Variants in DOCK5 observed in about 807,000 individuals in gnomAD.
DOCK5 encodes the protein dedicator of cytokinesis 5, also known as dedicator of cytokinesis protein 5.
A neutral mutation model predicts 251.8 loss-of-function variants in DOCK5; 142 were observed. The ratio of observed to expected loss-of-function variants is 0.56; its 90% confidence interval spans 0.49 to 0.65. The LOEUF is 0.65. Among genes scored for constraint, DOCK5 ranks in the 30% least tolerant of loss-of-function variants. The pLI is 0.00. For missense variants in DOCK5, 2,111 were observed against 2,312.3 expected (o/e 0.91, Z 1.79); for synonymous variants, 842 against 835.5 (o/e 1.01, Z -0.13).
In DOCK5 at chr8:25,345,585, C is replaced by T; in HGVS notation, c.2728C>T (p.Leu910=). 2 of 1,613,878 alleles carry T rather than the reference C, an allele frequency of 1.2e-6. No individual in the cohort carries two copies. Residue 910 remains leucine (L), a synonymous_variant, in exon 26 of 52, where the codon CTG becomes TTG. Coordinates refer to ENST00000276440, the MANE Select transcript of DOCK5 (RefSeq NM_024940.8). ...EASSQLLSNI[L]EVLDRKDVGA... ...AAGCTCGCAGCTTCTGAGCAACATC[C>T]TGGAGGTGCTGGACAGGAAGGATGT... is the stretch of plus-strand genomic sequence containing the variant.
rs113011321 is a variant in DOCK5, at chr8:25,326,959, G to A, written c.1903+1412G>A. On this transcript the variant is annotated intron_variant, in intron 18 of 51. Transcript: ENST00000276440. The stretch of plus-strand genomic sequence containing the variant: ...AACTTTTTAACACTATATACAGTAT[G>A]ATCCCAGTTTTATTTAAGTATATGT... Among the ~76,000 whole-genome samples the A allele has an allele frequency of 2.8e-3, 434 of 152,306 alleles. 1 individual carries two copies. The highest frequency in any genetic ancestry group is 9.9e-3 in the African/African-American group (412 of 41,566).
At chr8:25,251,244 G>A (rs1288499453) in intron 2 of DOCK5, among the ~76,000 whole-genome samples, 7 of 151,748 alleles carry the variant, frequency 4.6e-5, no homozygotes, top group Middle Eastern at 3.4e-3. Flanking sequence ...ACAATTGACC[G>A]CTGTTGGAAC....
At chr8:25,256,332 A>T (rs1383751457) in intron 2 of DOCK5, among the ~76,000 whole-genome samples, 1 of 152,184 alleles carries the variant, frequency 6.6e-6, no homozygotes, top group Non-Finnish European at 1.5e-5. Context: ...AGTTTTCACC[A>T]ATGCCAGTGT....
intron 1 of DOCK5, among the ~76,000 whole-genome samples, chr8:25,220,681 G>A (rs537295268): frequency 2.1e-4 from 32 of 152,188 alleles, no homozygotes; most frequent in African/African-American, 7.5e-4. Flanking sequence ...GCGCAATCTC[G>A]GCTCACTGCA....
intron 5 of DOCK5, among the ~76,000 whole-genome samples, chr8:25,283,302 C>T (rs949870419): frequency 3.3e-5 from 5 of 152,110 alleles, no homozygotes; most frequent in South Asian, 2.1e-4. Context: ...GGAGAGGAAG[C>T]GGGTTTTAGG....
intron 12 of DOCK5, among the ~76,000 whole-genome samples, chr8:25,309,183 A>G (rs1002963844): frequency 2.6e-5 from 4 of 151,796 alleles, no homozygotes; most frequent in Middle Eastern, 3.2e-3. Context: ...CTCTTTATTC[A>G]TTTATTTATT....
At chr8:25,227,163 T>C (rs181959422) in intron 1 of DOCK5, among the ~76,000 whole-genome samples, 37 of 152,330 alleles carry the variant, frequency 2.4e-4, no homozygotes, top group African/African-American at 8.9e-4. Flanking sequence ...CAGATTGTTT[T>C]TCAAAAAGTC....
Position 25,332,352 on chromosome 8 carries a change from T to C in DOCK5, c.2001+4T>C. 1.9e-6 allele frequency: 3 copies of C among 1,606,802 alleles called. No individual in the cohort carries two copies. The highest frequency in any genetic ancestry group is 2.6e-6 in the Non-Finnish European group (3 of 1,173,756). On this transcript the variant is annotated splice_donor_region_variant and intron_variant, in intron 19 of 51. Transcript: ENST00000276440. ...GGATGGAGGAGAGATTGTTAAGGTATGTTTATATATTCATAGTTAGAAATA... is the reference window on the plus strand; with the variant it reads ...GGATGGAGGAGAGATTGTTAAGGTACGTTTATATATTCATAGTTAGAAATA...
At chr8:25,265,888 ACT>A (rs1365491215) in intron 2 of DOCK5, among the ~76,000 whole-genome samples, 1 of 151,656 alleles carries the variant, frequency 6.6e-6, no homozygotes. Flanking sequence ...GGAATTAGCA[ACT>A]CTCTGTTATT....
At chr8:25,284,188 T>G (rs1322548898) in intron 5 of DOCK5, among the ~76,000 whole-genome samples, 3 of 152,194 alleles carry the variant, frequency 2.0e-5, no homozygotes, top group African/African-American at 4.8e-5. Context: ...TTTCTTCTCT[T>G]AAGTGGGGAT....
rs73558460 is a variant in DOCK5 at position 25,243,817 on chromosome 8, T to C, written c.127+60T>C. On this transcript the variant is annotated intron_variant, in intron 2 of 51. Coordinates refer to ENST00000276440, the MANE Select transcript of DOCK5 (RefSeq NM_024940.8). ...AGGGAAAAACAGTGTAAGTTACTTA[T>C]TAAAAAGGCACTTAGAGTAAACATC... 1.8e-4 allele frequency: 267 copies of C among 1,508,758 alleles called. 3 individuals are homozygous for C. In the Middle Eastern group the frequency reaches 2.2e-3, roughly 13 times the overall value. The allele number at this position is 1,508,758 out of a possible 1,614,324, so 93.5% of individuals were successfully genotyped here.
At chr8:25,304,525 T>C (rs926098961) in intron 11 of DOCK5, 198 bp downstream of exon 11, 7 of 496,844 alleles carry the variant, frequency 1.4e-5, no homozygotes, top group Non-Finnish European at 2.5e-5. Context: ...GAGGGTAAAC[T>C]GAACTTTCCT....
At chr8:25,374,834 G>T in intron 37 of DOCK5, 180 bp downstream of exon 37, 1 of 1,459,782 alleles carries the variant, frequency 6.9e-7, no homozygotes, top group South Asian at 1.4e-5. Flanking sequence ...ATGGGAAAAT[G>T]TCAGTTATCT....
intron 45 of DOCK5, 147 bp from the exon 46 acceptor site, chr8:25,399,764 A>G (rs1361331249): frequency 9.6e-6 from 6 of 623,198 alleles, no homozygotes; most frequent in South Asian, 7.9e-5. Context: ...ATTGTCCAAC[A>G]TAGTATAAGA....
chr8:25,319,534 C>T (rs1586325746), intron 14 of DOCK5, 44 bp from the exon 15 acceptor site: 3 of 1,466,132 alleles, frequency 2.0e-6, no homozygotes, highest in Non-Finnish European at 2.8e-6. Context: ...TCTTACTTTT[C>T]TAAACAAAAT....
At chr8:25,366,364 G>T (rs193243901) in intron 30 of DOCK5, among the ~76,000 whole-genome samples, 11 of 152,240 alleles carry the variant, frequency 7.2e-5, no homozygotes, top group African/African-American at 2.4e-4. Context: ...GGTAGTGGGT[G>T]CCTGTAATCC....
At chr8:25,338,775 G>A (rs1204974374) in intron 22 of DOCK5, among the ~76,000 whole-genome samples, 1 of 152,190 alleles carries the variant, frequency 6.6e-6, no homozygotes, top group Non-Finnish European at 1.5e-5. Flanking sequence ...AAACCCTGAT[G>A]TCCAAAAATC....
chr8:25,296,376 C>A (rs1243171469), intron 6 of DOCK5, 137 bp from the exon 7 acceptor site: 1 of 1,107,886 alleles, frequency 9.0e-7, no homozygotes, highest in Non-Finnish European at 1.3e-6. Context: ...TGAGAAAAGT[C>A]AATGAGGTGT....
At chr8:25,324,977 C>G (rs1805525620) in intron 17 of DOCK5, among the ~76,000 whole-genome samples, 1 of 152,014 alleles carries the variant, frequency 6.6e-6, no homozygotes, top group Non-Finnish European at 1.5e-5. Flanking sequence ...GACATGAACT[C>G]ATCCTTTTTT....
Sources: gnomAD v4.1 joint callset for allele counts (sites outside exome capture counted in the v4.1 genomes callset) on GRCh38, gnomAD v4.1.1 for gene constraint, MANE v1.5 for transcripts, NCBI Gene and HGNC (gene_info 2026-07-23, HGNC 2026-07-21) for gene names.